Variants in TPD52L1 observed in about 807,000 individuals in gnomAD.
TPD52L1 encodes tumor protein D53.
Under a neutral mutation model 28.7 loss-of-function variants are expected in TPD52L1, and 18 were observed. That is an observed-to-expected ratio of 0.63 (90% confidence interval 0.43 to 0.93). The LOEUF (loss-of-function observed/expected upper bound fraction) is 0.93, where lower values mean the gene tolerates loss of function less well. Among genes scored for constraint, TPD52L1 ranks in the 40% least tolerant of loss-of-function variants. The probability of loss-of-function intolerance (pLI) is 0.00; values close to 1 mark genes in which losing one functional copy is unlikely to be tolerated. For missense variants in TPD52L1, 203 were observed against 254.8 expected, an observed-to-expected ratio of 0.80 and a Z score of 1.39; for synonymous variants, 75 against 88.8, an observed-to-expected ratio of 0.84 and a Z score of 0.88.
intron 6 of TPD52L1, among the ~76,000 whole-genome samples, chr6:125,258,505 C>T (rs541601771): frequency 2.0e-5 from 3 of 152,218 alleles, no homozygotes; most frequent in South Asian, 2.1e-4. Context: ...CAGCCTTAGA[C>T]GACCCAATGA....
In TPD52L1 at chr6:125,153,784, G is replaced by A; in HGVS notation, c.-168G>A. 2 of 683,104 alleles carry A rather than the reference G, an allele frequency of 2.9e-6. No homozygotes were observed. The highest frequency in any genetic ancestry group is 2.1e-5 in the South Asian group (1 of 47,340). 42.3% of individuals were successfully genotyped at this position (683,104 alleles called of 1,614,324 possible). A position where few individuals can be genotyped will look rare whatever the true frequency, so the allele number is the denominator to read the frequency against. Reference sequence around the variant, plus strand: ...GGGCGGAGGTAACCAGAAGCGGCTAGTGGCGGCTGCCTGCGTCCCCAACCC... The same window carrying A: ...GGGCGGAGGTAACCAGAAGCGGCTAATGGCGGCTGCCTGCGTCCCCAACCC... On this transcript the variant is annotated 5_prime_UTR_variant, in exon 1 of 7. The change creates a new upstream start codon in the 5' untranslated region. Coordinates refer to ENST00000534000, the MANE Select transcript of TPD52L1 (RefSeq NM_003287.4).
chr6:125,254,363 G>A (rs1797463536), intron 5 of TPD52L1, among the ~76,000 whole-genome samples: 3 of 152,224 alleles, frequency 2.0e-5, no homozygotes, highest in Non-Finnish European at 4.4e-5. Flanking sequence ...AGCAAGACAG[G>A]AATGAGTGTT....
Position 125,264,157 on chromosome 6 carries a change from C to G in TPD52L1, c.*1195C>G, listed in dbSNP as rs1168002332. On this transcript the variant is annotated 3_prime_UTR_variant, in exon 7 of 7. Coordinates refer to ENST00000534000, the MANE Select transcript of TPD52L1 (RefSeq NM_003287.4). Reference sequence around the variant, plus strand: ...CTGCACTAACTTTTATCTTATATATCATATGTATCTCTTTTCTTTTTCTAA... The same window carrying G: ...CTGCACTAACTTTTATCTTATATATGATATGTATCTCTTTTCTTTTTCTAA... 1 of 152,114 alleles carries G rather than the reference C, an allele frequency of 6.6e-6. No homozygotes were observed. Among genetic ancestry groups the G allele is most frequent in the East Asian group, 1.9e-4 (1 of 5,194 alleles). 9.4% of individuals were successfully genotyped at this position (152,114 alleles called of 1,614,324 possible). A position where few individuals can be genotyped will look rare whatever the true frequency, so the allele number is the denominator to read the frequency against.
At chr6:125,172,553 A>ATAT (rs1491577133) in intron 1 of TPD52L1, among the ~76,000 whole-genome samples, 8 of 63,238 alleles carry the variant, frequency 1.3e-4, no homozygotes, top group Non-Finnish European at 1.9e-4. Flanking sequence ...TATATATATA[A>ATAT]TATATATACT....
chr6:125,168,595 G>GCAAGC (rs1791067602), intron 1 of TPD52L1, among the ~76,000 whole-genome samples: 1 of 150,414 alleles, frequency 6.6e-6, no homozygotes, highest in African/African-American at 2.5e-5. Context: ...TTGGCTCACT[G>GCAAGC]CAAGCTCCGC....
intron 1 of TPD52L1, among the ~76,000 whole-genome samples, chr6:125,175,776 G>A (rs1329108499): frequency 6.6e-6 from 1 of 152,178 alleles, no homozygotes; most frequent in African/African-American, 2.4e-5. Context: ...AAACTTTTAT[G>A]GGATTAGAGT....
intron 1 of TPD52L1, among the ~76,000 whole-genome samples, chr6:125,199,147 G>A (rs1460199856): frequency 1.3e-5 from 2 of 152,224 alleles, no homozygotes; most frequent in Non-Finnish European, 2.9e-5. Context: ...TCAAGAGAAA[G>A]TAAAAGGTTT....
rs963759311 is a variant in TPD52L1, at chr6:125,173,841, A to G, written c.19+19871A>G. Among the ~76,000 whole-genome samples, 5 of 152,204 alleles carry G rather than the reference A, an allele frequency of 3.3e-5. 1 individual carries two copies. The highest frequency in any genetic ancestry group is 1.2e-4 in the African/African-American group (5 of 41,456). ...TTAAAGAATGACTCTGCATACTCAC[A>G]TAAGTAATTTCTCCAATCTGAGATG... is the stretch of plus-strand genomic sequence containing the variant. On this transcript the variant is annotated intron_variant, in intron 1 of 6. Transcript: ENST00000534000.
At chr6:125,255,724 C>G (rs923199607) in intron 5 of TPD52L1, among the ~76,000 whole-genome samples, 4 of 149,864 alleles carry the variant, frequency 2.7e-5, no homozygotes, top group African/African-American at 1.0e-4. Context: ...CTAGGCCATT[C>G]CTCTTATTTT....
chr6:125,206,401 T>A (rs1185167286), intron 1 of TPD52L1, among the ~76,000 whole-genome samples: 2 of 152,150 alleles, frequency 1.3e-5, no homozygotes, highest in Non-Finnish European at 2.9e-5. Context: ...ATATATATAA[T>A]GAGATGAAAA....
intron 1 of TPD52L1, chr6:125,219,736 C>T (rs1795103500): frequency 3.0e-6 from 1 of 338,702 alleles, no homozygotes; most frequent in Non-Finnish European, 5.7e-6. Flanking sequence ...TCTCCATGGG[C>T]GGGCCTTGGG....
intron 5 of TPD52L1, among the ~76,000 whole-genome samples, chr6:125,255,509 C>T (rs538505950): frequency 6.6e-6 from 1 of 152,258 alleles, no homozygotes; most frequent in African/African-American, 2.4e-5. Context: ...TGTCAGGGCC[C>T]TCTGAATTCA....
chr6:125,158,758 C>T (rs898463572), intron 1 of TPD52L1, among the ~76,000 whole-genome samples: 2 of 152,142 alleles, frequency 1.3e-5, no homozygotes, highest in Non-Finnish European at 2.9e-5. Context: ...GTCTCTTATA[C>T]AGGCATACCT....
chr6:125,219,244 G>C (rs988205380), intron 1 of TPD52L1, among the ~76,000 whole-genome samples: 1 of 152,176 alleles, frequency 6.6e-6, no homozygotes, highest in Non-Finnish European at 1.5e-5. Context: ...ATGTTGAGGG[G>C]CCCTACCAGG....
At chr6:125,172,165 CTTTCTTT>C (rs1791433114) in intron 1 of TPD52L1, among the ~76,000 whole-genome samples, 2 of 69,566 alleles carry the variant, frequency 2.9e-5, no homozygotes, top group Non-Finnish European at 3.1e-5. Context: ...TCTTTTCTTT[CTTTCTTT>C]CTTTCTTTCT....
At position 125,165,092 on chromosome 6, in the gene TPD52L1, A is replaced by ATATATATTTATT. The variant is rs1554201220; in HGVS notation, c.19+11131_19+11132insATTTATATATTT. Among the ~76,000 whole-genome samples the ATATATATTTATT allele has an allele frequency of 6.7e-5, 7 of 104,194 alleles. 2 individuals are homozygous for ATATATATTTATT. Among genetic ancestry groups the ATATATATTTATT allele is most frequent in the African/African-American group, 4.3e-4 (7 of 16,418 alleles). The allele number at this position is 104,194 out of a possible 152,430, so 68.4% of individuals were successfully genotyped here. A position where few individuals can be genotyped will look rare whatever the true frequency, so the allele number is the denominator to read the frequency against. ...CCTGTCTCTTAAAAAAAAGATATAT[A>ATATATATTTATT]TATATATTTTAACTGTATATATATA... On this transcript the variant is annotated intron_variant, in intron 1 of 6. Coordinates refer to ENST00000534000, the MANE Select transcript of TPD52L1 (RefSeq NM_003287.4).
At chr6:125,215,537 C>G (rs201012581) in intron 1 of TPD52L1, among the ~76,000 whole-genome samples, 2 of 152,208 alleles carry the variant, frequency 1.3e-5, no homozygotes, top group East Asian at 3.9e-4. Context: ...GACTAACTAG[C>G]AACCTGGTCT....
chr6:125,165,241 T>C (rs1790816427), intron 1 of TPD52L1, among the ~76,000 whole-genome samples: 1 of 151,940 alleles, frequency 6.6e-6, no homozygotes, highest in Non-Finnish European at 1.5e-5. Context: ...TCTGTCATCC[T>C]ACTTTTCATT....
At chr6:125,211,661 C>T (rs895833075) in intron 1 of TPD52L1, among the ~76,000 whole-genome samples, 1 of 152,176 alleles carries the variant, frequency 6.6e-6, no homozygotes, top group African/African-American at 2.4e-5. Context: ...CAGCATGTCA[C>T]GCATTAGAGT....
Sources: allele counts gnomAD v4.1 joint callset (sites outside exome capture counted in the v4.1 genomes callset), GRCh38; gene constraint gnomAD v4.1.1; transcripts MANE v1.5; gene names NCBI Gene and HGNC (gene_info 2026-07-23, HGNC 2026-07-21).